ANXA11: variants seen among roughly 807,000 people sequenced by gnomAD.
ANXA11 encodes the protein annexin A11, also known as 56 kDa autoantigen.
Under a neutral mutation model 64.7 loss-of-function variants are expected in ANXA11, and 57 were observed. That is an observed-to-expected ratio of 0.88 (90% CI 0.71 to 1.10). ANXA11 has a LOEUF of 1.10. ANXA11 is among the 50% of genes least tolerant of loss of function. The pLI, the probability that ANXA11 is intolerant of heterozygous loss-of-function variation, is 0.00. For synonymous variants in ANXA11, 260 were observed against 265.2 expected (o/e 0.98, Z 0.19); for missense variants, 675 against 670.7 (o/e 1.01, Z -0.07).
At chr10:80,185,561 T>C (rs1472060560) in intron 1 of ANXA11, among the ~76,000 whole-genome samples, 7 of 152,256 alleles carry the variant, frequency 4.6e-5, no homozygotes, top group South Asian at 2.1e-4. Flanking sequence ...TGCTTAACTC[T>C]ATCCTCAAAT....
intron 12 of ANXA11, 116 bp from the exon 13 acceptor site, chr10:80,159,311 T>G: frequency 1.3e-6 from 1 of 799,074 alleles, no homozygotes; most frequent in Non-Finnish European, 2.1e-6. Context: ...GATAAGATCT[T>G]TAAAGAGGTA....
chr10:80,201,412 C>T (rs1840415569), intron 1 of ANXA11, among the ~76,000 whole-genome samples: 1 of 152,148 alleles, frequency 6.6e-6, no homozygotes, highest in Non-Finnish European at 1.5e-5. Context: ...ACAAACACAA[C>T]CTAGACAAAT....
intron 2 of ANXA11, among the ~76,000 whole-genome samples, chr10:80,174,837 A>G (rs537546079): frequency 7.5e-4 from 115 of 152,336 alleles, no homozygotes; most frequent in Admixed American, 1.8e-3. Context: ...GATTACAGGC[A>G]TGAGCCACTG....
At chr10:80,199,388 C>T (rs1189392135) in intron 1 of ANXA11, among the ~76,000 whole-genome samples, 4 of 152,060 alleles carry the variant, frequency 2.6e-5, no homozygotes, top group Non-Finnish European at 4.4e-5. Flanking sequence ...TGAGCTACCG[C>T]GCCCAGCCAA....
At chr10:80,172,075 C>G (rs761592725) in intron 3 of ANXA11, among the ~76,000 whole-genome samples, 1 of 152,188 alleles carries the variant, frequency 6.6e-6, no homozygotes, top group Non-Finnish European at 1.5e-5. Flanking sequence ...CTAGGAGTCC[C>G]CTGGGGAGAG....
chr10:80,158,919 A>G (rs1672095845), intron 13 of ANXA11, among the ~76,000 whole-genome samples, 181 bp downstream of exon 13: 1 of 152,160 alleles, frequency 6.6e-6, no homozygotes, highest in Non-Finnish European at 1.5e-5. Context: ...TAGGGGTTCA[A>G]CTGCACAGGG....
chr10:80,168,097 T>C (rs960238711), intron 5 of ANXA11, among the ~76,000 whole-genome samples: 1 of 152,142 alleles, frequency 6.6e-6, no homozygotes, highest in Non-Finnish European at 1.5e-5. Flanking sequence ...ACTACCCCTG[T>C]GCTGGCTGGT....
Position 80,166,044 on chromosome 10 carries a change from A to ACG in ANXA11, c.858+39_858+40insCG. 3.5e-5 allele frequency: 6 copies of ACG among 173,858 alleles called. 1 individual carries two copies. Among genetic ancestry groups the ACG allele is most frequent in the Non-Finnish European group, 5.1e-5 (5 of 98,196 alleles). 10.8% of individuals were successfully genotyped at this position (173,858 alleles called of 1,614,324 possible). A position where few individuals can be genotyped will look rare whatever the true frequency, so the allele number is the denominator to read the frequency against. ...TGCGCGCGTGCGCACACACGCGCGC[A>ACG]CACACACACACACACACACACACAC... is the stretch of plus-strand genomic sequence containing the variant. On this transcript the variant is annotated intron_variant, in intron 8 of 15. Transcript: ENST00000422982.
intron 1 of ANXA11, among the ~76,000 whole-genome samples, chr10:80,184,456 C>T (rs2132461853): frequency 6.6e-6 from 1 of 152,286 alleles, no homozygotes; most frequent in African/African-American, 2.4e-5. Context: ...GGTTACATCC[C>T]TTCTGAAAGT....
chr10:80,190,667 A>G (rs1846734948), intron 1 of ANXA11, among the ~76,000 whole-genome samples: 1 of 151,164 alleles, frequency 6.6e-6, no homozygotes, highest in African/African-American at 2.4e-5. Context: ...TTGTATTTTT[A>G]GTAGAGACAG....
At chr10:80,164,782 G>A (rs1016845914) in intron 8 of ANXA11, among the ~76,000 whole-genome samples, 1 of 152,188 alleles carries the variant, frequency 6.6e-6, no homozygotes, top group African/African-American at 2.4e-5. Flanking sequence ...TCTGTAAGAT[G>A]GGAGTGATAC....
chr10:80,183,974 T>C (rs193053862), intron 1 of ANXA11, among the ~76,000 whole-genome samples: 2 of 152,258 alleles, frequency 1.3e-5, no homozygotes, highest in Admixed American at 1.3e-4. Flanking sequence ...TGAGCCACAA[T>C]CCTAATTAAT....
At chr10:80,190,269 C>T (rs145801354) in intron 1 of ANXA11, among the ~76,000 whole-genome samples, 3 of 151,234 alleles carry the variant, frequency 2.0e-5, no homozygotes, top group African/African-American at 4.8e-5. Context: ...GTAAATTTTA[C>T]GTTGTGTATA....
chr10:80,187,128 C>A (rs932061552), intron 1 of ANXA11, among the ~76,000 whole-genome samples: 2 of 152,206 alleles, frequency 1.3e-5, no homozygotes, highest in Non-Finnish European at 2.9e-5. Context: ...CCACCCAAGT[C>A]CTGACTCCAA....
intron 1 of ANXA11, among the ~76,000 whole-genome samples, chr10:80,183,178 C>T (rs997781891): frequency 6.6e-6 from 1 of 152,158 alleles, no homozygotes; most frequent in Non-Finnish European, 1.5e-5. Flanking sequence ...GAGGGAGGCA[C>T]CAGGCTAGAG....
chr10:80,179,207 C>G (rs550561323), intron 1 of ANXA11, among the ~76,000 whole-genome samples: 1 of 152,270 alleles, frequency 6.6e-6, no homozygotes, highest in East Asian at 1.9e-4. Flanking sequence ...CTCCCCACAC[C>G]TCTCTTCCTC....
At chr10:80,203,355 T>C (rs909115913) in intron 1 of ANXA11, among the ~76,000 whole-genome samples, 3 of 152,044 alleles carry the variant, frequency 2.0e-5, no homozygotes, top group Admixed American at 6.6e-5. Flanking sequence ...GGGTGGGCCC[T>C]TTCTATAGTA....
At chr10:80,173,551 G>A (rs1846059081) in intron 2 of ANXA11, among the ~76,000 whole-genome samples, 1 of 151,808 alleles carries the variant, frequency 6.6e-6, no homozygotes, top group Non-Finnish European at 1.5e-5. Context: ...AGGAAGAGCA[G>A]CCTGGACAGG....
chr10:80,158,607 G>A (rs1466587617), intron 13 of ANXA11, among the ~76,000 whole-genome samples: 1 of 152,196 alleles, frequency 6.6e-6, no homozygotes, highest in Non-Finnish European at 1.5e-5. Flanking sequence ...ACCCAACTCT[G>A]CACAGTGGGA....
Sources: allele counts gnomAD v4.1 joint callset (sites outside exome capture counted in the v4.1 genomes callset), GRCh38; gene constraint gnomAD v4.1.1; transcripts MANE v1.5; gene names NCBI Gene and HGNC (gene_info 2026-07-23, HGNC 2026-07-21).